Variants in CCNY observed in about 807,000 individuals in gnomAD.
CCNY encodes cyclin Y, also known as cyclin-Y.
CCNY carries 19 observed loss-of-function variants against 42.8 expected under a neutral mutation model. The ratio of observed to expected loss-of-function variants is 0.44; its 90% CI spans 0.31 to 0.65. The LOEUF (loss-of-function observed/expected upper bound fraction) is 0.65, where lower values mean the gene tolerates loss of function less well. Ranked by LOEUF, CCNY falls within the 30% of genes least tolerant of loss-of-function variation. The pLI is 0.07. For synonymous variants in CCNY, 165 were observed against 162.7 expected (o/e 1.01, Z -0.11); for missense variants, 370 against 437.3 (o/e 0.85, Z 1.37).
chr10:35,343,284 C>T (rs1836225459), intron 1 of CCNY, among the ~76,000 whole-genome samples: 1 of 151,680 alleles, frequency 6.6e-6, no homozygotes, highest in Non-Finnish European at 1.5e-5. Context: ...CCACTGCGCC[C>T]AGTCTCCTGC....
chr10:35,253,945 G>A (rs897643005), intron 3 of CCNY, among the ~76,000 whole-genome samples: 11 of 145,676 alleles, frequency 7.6e-5, no homozygotes, highest in Non-Finnish European at 1.3e-4. Flanking sequence ...GTGTGATCTC[G>A]GCTCACTGCA....
chr10:35,414,914 A>G (rs138776692), intron 1 of CCNY, among the ~76,000 whole-genome samples: 2,138 of 152,318 alleles, frequency 0.014, 24 homozygotes, highest in Non-Finnish European at 0.023. Context: ...AGCCTTGTCA[A>G]GCCGTGCTTT....
At position 35,454,089 on chromosome 10, in the gene CCNY, C is replaced by T. The variant is rs1258946098; in HGVS notation, c.155-29315C>T. ...ATCCAGAGGAACACATGGCTTATTTCCCTGACTGCTTTTACTTTTCCTGTG... is the reference window on the plus strand; with the variant it reads ...ATCCAGAGGAACACATGGCTTATTTTCCTGACTGCTTTTACTTTTCCTGTG... On this transcript the variant is annotated intron_variant, in intron 1 of 9. Coordinates refer to ENST00000374704, the MANE Select transcript of CCNY (RefSeq NM_145012.6). 1.3e-5 allele frequency among the ~76,000 whole-genome samples: 2 copies of T among 152,182 alleles called. 1 individual carries two copies. Among genetic ancestry groups the T allele is most frequent in the South Asian group, 4.1e-4 (2 of 4,832 alleles).
Position 35,337,075 on chromosome 10 carries a change from T to G in CCNY, c.22T>G (p.Cys8Gly). Residue 8 changes from cysteine to glycine, a missense_variant, in exon 1 of 10, where the codon TGC becomes GGC. By Grantham distance (159) the Cys-to-Gly change is radical (BLOSUM62 -3). Coordinates refer to ENST00000374704, the MANE Select transcript of CCNY (RefSeq NM_145012.6). MGNTTSC[C>G]VSSSPKLRRN... ...GAAGATGGGGAACACTACCTCGTGC[T>G]GCGTGTCGTCCAGTCCCAAGCTCCG... The G allele has an allele frequency of 6.3e-7, 1 of 1,588,788 alleles. No homozygotes were observed. Among genetic ancestry groups the G allele is most frequent in the Non-Finnish European group, 8.6e-7 (1 of 1,169,542 alleles).
chr10:35,320,945 C>G (rs1386781257), intron 3 of CCNY: 2 of 151,570 alleles, frequency 1.3e-5, no homozygotes, highest in Admixed American at 1.3e-4. Context: ...CCGGGCAACA[C>G]AGCAAGACCA....
chr10:35,356,613 C>T (rs1436619086), intron 1 of CCNY, among the ~76,000 whole-genome samples: 1 of 152,134 alleles, frequency 6.6e-6, no homozygotes, highest in Non-Finnish European at 1.5e-5. Context: ...TTAACCTCTT[C>T]ATGTTTTACT....
intron 1 of CCNY, among the ~76,000 whole-genome samples, chr10:35,436,882 C>T (rs1295734720): frequency 6.6e-6 from 1 of 152,094 alleles, no homozygotes; most frequent in East Asian, 1.9e-4. Flanking sequence ...TCTTTTCTCA[C>T]ACTGCTAATA....
intron 3 of CCNY, among the ~76,000 whole-genome samples, chr10:35,304,924 A>G (rs1443016440): frequency 1.3e-5 from 2 of 152,218 alleles, no homozygotes; most frequent in African/African-American, 4.8e-5. Context: ...TGGAAGAGAC[A>G]CTAATTCAAG....
intron 3 of CCNY, among the ~76,000 whole-genome samples, chr10:35,290,260 A>ACACACACACG (rs1835398522): frequency 6.7e-6 from 1 of 150,354 alleles, no homozygotes; most frequent in African/African-American, 2.5e-5. Flanking sequence ...ACACACACAC[A>ACACACACACG]CACAAAATTA....
chr10:35,453,115 T>C (rs943091795), intron 1 of CCNY, among the ~76,000 whole-genome samples: 4 of 152,198 alleles, frequency 2.6e-5, no homozygotes, highest in African/African-American at 9.7e-5. Flanking sequence ...AACTAATTTT[T>C]TCATAGAGAT....
intron 1 of CCNY, among the ~76,000 whole-genome samples, chr10:35,339,438 C>T (rs1447189261): frequency 6.6e-6 from 1 of 152,024 alleles, no homozygotes; most frequent in African/African-American, 2.4e-5. Context: ...TATATACACA[C>T]TATATACATC....
rs746352902 is a variant in CCNY, at chr10:35,364,487, G to A, written c.154+27280G>A. The stretch of plus-strand genomic sequence containing the variant: ...TTAAATTAGTTTAAAATAATGTTAC[G>A]TATTTAATTTAAAAATAGTGTTGTG... On this transcript the variant is annotated intron_variant, in intron 1 of 9. Transcript: ENST00000374704. 3.3e-5 allele frequency among the ~76,000 whole-genome samples: 5 copies of A among 152,256 alleles called. No individual in the cohort carries two copies. The Middle Eastern group carries it at 0.01, about 311-fold the overall frequency.
intron 1 of CCNY, among the ~76,000 whole-genome samples, chr10:35,411,963 G>A (rs1023024454): frequency 5.3e-5 from 8 of 152,234 alleles, no homozygotes; most frequent in African/African-American, 1.4e-4. Context: ...GGTTGCAGGT[G>A]AACTGTGGCT....
intron 1 of CCNY, among the ~76,000 whole-genome samples, chr10:35,464,245 C>G (rs1368947700): frequency 6.6e-6 from 1 of 152,176 alleles, no homozygotes; most frequent in Non-Finnish European, 1.5e-5. Context: ...TCTCATCTGC[C>G]TCCTTGTCCT....
At chr10:35,460,536 A>C (rs1014618704) in intron 1 of CCNY, among the ~76,000 whole-genome samples, 24 of 152,258 alleles carry the variant, frequency 1.6e-4, no homozygotes, top group African/African-American at 5.8e-4. Flanking sequence ...GCCTGGATAC[A>C]GTGCCTGGCA....
At chr10:35,464,380 T>C (rs542795140) in intron 1 of CCNY, among the ~76,000 whole-genome samples, 1 of 152,292 alleles carries the variant, frequency 6.6e-6, no homozygotes, top group Non-Finnish European at 1.5e-5. Flanking sequence ...CAACTTTTAC[T>C]CCTTGGGCTC....
intron 7 of CCNY, among the ~76,000 whole-genome samples, chr10:35,536,074 A>AT (rs1186130834): frequency 1.3e-5 from 2 of 152,154 alleles, no homozygotes; most frequent in African/African-American, 2.4e-5. Flanking sequence ...CTCATCTTGA[A>AT]TTGTATGTCT....
At chr10:35,413,814 C>T (rs940605157) in intron 1 of CCNY, among the ~76,000 whole-genome samples, 3 of 152,046 alleles carry the variant, frequency 2.0e-5, no homozygotes, top group African/African-American at 4.8e-5. Context: ...GGCACTGAAG[C>T]GGGAAATGCG....
chr10:35,430,352 A>AG (rs1476105690), intron 1 of CCNY, among the ~76,000 whole-genome samples: 1 of 149,938 alleles, frequency 6.7e-6, no homozygotes, highest in Non-Finnish European at 1.5e-5. Context: ...AAAAAAAAAA[A>AG]AAAAAAAAAG....
Sources: allele counts gnomAD v4.1 joint callset (sites outside exome capture counted in the v4.1 genomes callset), GRCh38; gene constraint gnomAD v4.1.1; transcripts MANE v1.5; gene names NCBI Gene and HGNC (gene_info 2026-07-23, HGNC 2026-07-21).